PKN2: variants seen among roughly 807,000 people sequenced by gnomAD.
PKN2 encodes the protein serine/threonine-protein kinase N2.
PKN2 carries 38 observed loss-of-function variants against 119.1 expected under a neutral mutation model. The observed-to-expected ratio is 0.32, with a 90% CI of 0.25 to 0.42. PKN2 has a LOEUF of 0.42. Among genes scored for constraint, PKN2 ranks in the 10% least tolerant of loss-of-function variants. The probability of loss-of-function intolerance (pLI) is 1.00; values close to 1 mark genes in which losing one functional copy is unlikely to be tolerated. For synonymous variants in PKN2, 390 were observed against 384.9 expected (o/e 1.01, Z -0.15); for missense variants, 850 against 1,165.1 (o/e 0.73, Z 3.94).
intron 3 of PKN2, among the ~76,000 whole-genome samples, chr1:88,767,479 G>A (rs1362291037): frequency 2.6e-5 from 4 of 152,114 alleles, no homozygotes; most frequent in Non-Finnish European, 5.9e-5. Context: ...TCATCATTGT[G>A]CGGGTATCAT....
intron 16 of PKN2, 25 bp downstream of exon 16, chr1:88,813,758 T>C (rs1318486820): frequency 2.0e-6 from 3 of 1,521,222 alleles, no homozygotes; most frequent in Middle Eastern, 3.4e-4. Flanking sequence ...GACATTTGTC[T>C]GAGTTTTTCC....
At chr1:88,687,947 C>G (rs1467516690) in intron 1 of PKN2, among the ~76,000 whole-genome samples, 1 of 152,172 alleles carries the variant, frequency 6.6e-6, no homozygotes, top group Non-Finnish European at 1.5e-5. Flanking sequence ...CTTATTTGAT[C>G]TTCACAACAA....
At chr1:88,810,390 G>C (rs1306935100) in intron 15 of PKN2, among the ~76,000 whole-genome samples, 3 of 152,024 alleles carry the variant, frequency 2.0e-5, no homozygotes, top group Non-Finnish European at 4.4e-5. Flanking sequence ...CCAAGGTGCT[G>C]GGGTTACAGG....
chr1:88,783,097 A>C (rs1244100565), intron 6 of PKN2, among the ~76,000 whole-genome samples: 1 of 152,230 alleles, frequency 6.6e-6, no homozygotes, highest in African/African-American at 2.4e-5. Context: ...TGGTGGTAAC[A>C]AACACTATTC....
chr1:88,729,358 A>C (rs1570543606), intron 1 of PKN2, among the ~76,000 whole-genome samples: 1 of 152,164 alleles, frequency 6.6e-6, no homozygotes, highest in African/African-American at 2.4e-5. Flanking sequence ...GCAGCATAGC[A>C]AGCTCATCTC....
chr1:88,811,556 G>A (rs1376142863), intron 15 of PKN2, among the ~76,000 whole-genome samples: 2 of 152,148 alleles, frequency 1.3e-5, no homozygotes, highest in Non-Finnish European at 2.9e-5. Context: ...GTGTACTGGT[G>A]TACTACTACA....
intron 6 of PKN2, among the ~76,000 whole-genome samples, chr1:88,776,261 C>A (rs1047873655): frequency 2.7e-5 from 4 of 146,382 alleles, no homozygotes; most frequent in Admixed American, 2.0e-4. Context: ...CCGCCCCACC[C>A]GTCACTTCTC....
chr1:88,827,624 C>CTTCCG (rs1233747042), intron 18 of PKN2, among the ~76,000 whole-genome samples: 3 of 140,816 alleles, frequency 2.1e-5, no homozygotes, highest in African/African-American at 8.5e-5. Context: ...CTTCCCTTCC[C>CTTCCG]TTCCCTTCCC....
At chr1:88,811,119 AC>A (rs1373205041) in intron 15 of PKN2, among the ~76,000 whole-genome samples, 1 of 152,198 alleles carries the variant, frequency 6.6e-6, no homozygotes, top group Non-Finnish European at 1.5e-5. Flanking sequence ...CATTAGTAAA[AC>A]ACTCTAAGTC....
chr1:88,765,992 TG>T (rs1167700401), intron 3 of PKN2, among the ~76,000 whole-genome samples: 1 of 152,168 alleles, frequency 6.6e-6, no homozygotes, highest in Non-Finnish European at 1.5e-5. Flanking sequence ...TTTGTATTTT[TG>T]GTAGAGGCAG....
rs1039747652 is a variant in PKN2, at chr1:88,697,325, CATT to C, written c.48+12700_48+12702del. ...AAATAAATGAACAGATTTTAAAAAA[CATT>C]ATATGACCAATCTGCCAGACCTGAC... On this transcript the variant is annotated intron_variant, in intron 1 of 21. Transcript: ENST00000370521. Among the ~76,000 whole-genome samples the C allele has an allele frequency of 1.1e-4, 17 of 152,110 alleles. 1 individual carries two copies. The highest frequency in any genetic ancestry group is 9.2e-4 in the Admixed American group (14 of 15,268).
At chr1:88,745,572 G>T (rs1020611513) in intron 2 of PKN2, among the ~76,000 whole-genome samples, 2 of 151,940 alleles carry the variant, frequency 1.3e-5, no homozygotes, top group East Asian at 1.9e-4. Context: ...TATAGAAAAC[G>T]ATGAAAGAAA....
intron 8 of PKN2, among the ~76,000 whole-genome samples, chr1:88,788,994 G>A (rs1257696365): frequency 2.6e-5 from 4 of 152,124 alleles, no homozygotes; most frequent in Non-Finnish European, 5.9e-5. Flanking sequence ...TAACATAGTA[G>A]TAGAAGTTCT....
intron 16 of PKN2, among the ~76,000 whole-genome samples, chr1:88,818,440 G>C (rs184853350): frequency 0.019 from 2,953 of 152,138 alleles, 96 homozygotes; most frequent in African/African-American, 0.066. Context: ...TTGAGGTCAG[G>C]AGTTTGAGAC....
chr1:88,722,483 T>C (rs1470752807), intron 1 of PKN2, among the ~76,000 whole-genome samples: 1 of 152,130 alleles, frequency 6.6e-6, no homozygotes, highest in Non-Finnish European at 1.5e-5. Flanking sequence ...ATATGAGGGA[T>C]TGCTATTTCT....
chr1:88,805,818 G>C, intron 11 of PKN2, 73 bp from the exon 12 acceptor site: 2 of 1,608,178 alleles, frequency 1.2e-6, no homozygotes, highest in Non-Finnish European at 1.7e-6. Flanking sequence ...TAAATTGTTT[G>C]CTTTAATTTT....
intron 6 of PKN2, among the ~76,000 whole-genome samples, chr1:88,779,751 C>T (rs1368574532): frequency 1.3e-5 from 2 of 152,174 alleles, no homozygotes; most frequent in African/African-American, 4.8e-5. Flanking sequence ...TATCATTAAT[C>T]AGTTTTATTC....
chr1:88,818,476 C>T (rs899426130), intron 16 of PKN2, among the ~76,000 whole-genome samples: 3 of 151,768 alleles, frequency 2.0e-5, no homozygotes, highest in South Asian at 2.1e-4. Context: ...GGTGAAACCC[C>T]GTCTCTACTA....
intron 18 of PKN2, among the ~76,000 whole-genome samples, 158 bp from the exon 19 acceptor site, chr1:88,828,323 T>A (rs1211925405): frequency 6.6e-6 from 1 of 152,242 alleles, no homozygotes; most frequent in Non-Finnish European, 1.5e-5. Context: ...GCTATACCAG[T>A]CCTTACTGTT....
Sources: gnomAD v4.1 joint callset for allele counts (sites outside exome capture counted in the v4.1 genomes callset) on GRCh38, gnomAD v4.1.1 for gene constraint, MANE v1.5 for transcripts, NCBI Gene and HGNC (gene_info 2026-07-23, HGNC 2026-07-21) for gene names.